AGBL1: variants seen among roughly 807,000 people sequenced by gnomAD.
The protein encoded by AGBL1 is AGBL carboxypeptidase 1, also known as cytosolic carboxypeptidase 4.
A neutral mutation model predicts 118.9 loss-of-function variants in AGBL1; 130 were observed. That is an observed-to-expected ratio of 1.09 (90% CI 0.95 to 1.26). The LOEUF is 1.26. Ranked by LOEUF, AGBL1 falls within the 50% of genes most tolerant of loss-of-function variation. The pLI, the probability that AGBL1 is intolerant of heterozygous loss-of-function variation, is 0.00. For synonymous variants in AGBL1, 555 were observed against 478.9 expected, an observed-to-expected ratio of 1.16 and a Z score of -2.08; for missense variants, 1,584 against 1,298.1, an observed-to-expected ratio of 1.22 and a Z score of -3.38.
intron 18 of AGBL1, among the ~76,000 whole-genome samples, chr15:86,407,803 C>G (rs1222366149): frequency 6.6e-6 from 1 of 152,096 alleles, no homozygotes; most frequent in Non-Finnish European, 1.5e-5. Context: ...TGGATCCTTC[C>G]AAGCTGGATT....
rs2077858116 is a variant in AGBL1, at chr15:86,751,845, C to G, written c.3158+77409C>G. ...ATTATTAGCACATCCTAAATACACA[C>G]AGGTTTGCACAGACAATGGTAAAGC... is the stretch of plus-strand genomic sequence containing the variant. On this transcript the variant is annotated intron_variant, in intron 22 of 22. Transcript: ENST00000614907. 5.9e-5 allele frequency among the ~76,000 whole-genome samples: 9 copies of G among 152,170 alleles called. No individual in the cohort carries two copies. In the South Asian group the frequency reaches 1.9e-3, roughly 32 times the overall value.
chr15:86,212,949 C>T (rs568679435), intron 5 of AGBL1, among the ~76,000 whole-genome samples: 14 of 152,274 alleles, frequency 9.2e-5, no homozygotes, highest in South Asian at 2.1e-4. Context: ...TGTACCTGGA[C>T]GACAGTTTTA....
intron 21 of AGBL1, among the ~76,000 whole-genome samples, chr15:86,568,232 C>T (rs891087464): frequency 1.3e-5 from 2 of 152,048 alleles, no homozygotes; most frequent in South Asian, 2.1e-4. Context: ...GAACAGTCTT[C>T]GTATGTGGAC....
At chr15:86,521,027 G>A (rs1181149483) in intron 18 of AGBL1, among the ~76,000 whole-genome samples, 1 of 152,102 alleles carries the variant, frequency 6.6e-6, no homozygotes, top group Non-Finnish European at 1.5e-5. Flanking sequence ...AAAAAAGCAG[G>A]CAAAGAATAA....
intron 5 of AGBL1, among the ~76,000 whole-genome samples, chr15:86,180,862 T>C (rs1347778242): frequency 3.3e-5 from 5 of 152,010 alleles, no homozygotes; most frequent in Non-Finnish European, 7.4e-5. Flanking sequence ...GACAAAAGAT[T>C]TGAACAGATA....
At chr15:86,306,937 T>G (rs908193493) in intron 17 of AGBL1, among the ~76,000 whole-genome samples, 3 of 152,208 alleles carry the variant, frequency 2.0e-5, no homozygotes, top group Admixed American at 2.0e-4. Context: ...CACCTTTTCA[T>G]GTACCTGTTT....
chr15:86,675,322 G>C (rs1238693329), intron 22 of AGBL1, among the ~76,000 whole-genome samples: 1 of 152,114 alleles, frequency 6.6e-6, no homozygotes, highest in Non-Finnish European at 1.5e-5. Flanking sequence ...TAATTTTCTT[G>C]AATTTTCCTC....
At chr15:86,129,273 C>CTG (rs1187534797) in intron 1 of AGBL1, among the ~76,000 whole-genome samples, 1 of 152,100 alleles carries the variant, frequency 6.6e-6, no homozygotes, top group Non-Finnish European at 1.5e-5. Context: ...ACTTAACCCT[C>CTG]TGTGTGTGTG....
intron 1 of AGBL1, among the ~76,000 whole-genome samples, chr15:86,099,431 TGTTTATCAGCTCGAAAA>T (rs1896575983): frequency 1.3e-5 from 2 of 152,198 alleles, no homozygotes; most frequent in African/African-American, 4.8e-5. Context: ...TTACTGAAAT[TGTTTATCAGCTCGAAAA>T]GTTTTTGGTG....
At chr15:86,638,504 G>C (rs77795339) in intron 21 of AGBL1, among the ~76,000 whole-genome samples, 10,432 of 152,196 alleles carry the variant, frequency 0.069, 446 homozygotes, top group Non-Finnish European at 0.099. Flanking sequence ...TGAGGACCAA[G>C]CAGTTGCTCT....
chr15:86,999,796 C>T (rs1419499671), intron 24 of AGBL1, among the ~76,000 whole-genome samples: 3 of 139,688 alleles, frequency 2.1e-5, no homozygotes, highest in South Asian at 2.5e-4. Flanking sequence ...CCTGAGGAAT[C>T]GCCACACTGA....
At chr15:86,598,664 T>C (rs2084445611) in intron 21 of AGBL1, among the ~76,000 whole-genome samples, 1 of 152,114 alleles carries the variant, frequency 6.6e-6, no homozygotes, top group African/African-American at 2.4e-5. Flanking sequence ...GTATGTATGC[T>C]TCCCACTGTT....
chr15:86,102,508 T>C (rs1896796179), intron 1 of AGBL1, among the ~76,000 whole-genome samples: 1 of 152,200 alleles, frequency 6.6e-6, no homozygotes, highest in South Asian at 2.1e-4. Flanking sequence ...TTGCTTGTCT[T>C]GGAAAGACTT....
chr15:86,417,845 T>C (rs914756502), intron 18 of AGBL1, among the ~76,000 whole-genome samples: 1 of 152,192 alleles, frequency 6.6e-6, no homozygotes. Flanking sequence ...GAAAACCAAA[T>C]TGCTATTCAT....
chr15:86,142,354 G>A (rs184045704), intron 2 of AGBL1, among the ~76,000 whole-genome samples: 1 of 152,170 alleles, frequency 6.6e-6, no homozygotes, highest in African/African-American at 2.4e-5. Context: ...CTTCCATTGT[G>A]ACCTATTTAA....
intron 3 of AGBL1, among the ~76,000 whole-genome samples, chr15:86,152,004 C>T (rs2077118566): frequency 6.6e-6 from 1 of 152,110 alleles, no homozygotes; most frequent in Non-Finnish European, 1.5e-5. Context: ...AATCACTGCT[C>T]AGCGAGATAA....
chr15:86,802,004 C>T (rs1157034100), intron 22 of AGBL1, among the ~76,000 whole-genome samples: 1 of 152,068 alleles, frequency 6.6e-6, no homozygotes, highest in Non-Finnish European at 1.5e-5. Context: ...ACTTTATATC[C>T]TTTGGAGACT....
chr15:86,301,664 G>A (rs982930909), intron 17 of AGBL1, among the ~76,000 whole-genome samples: 3 of 149,874 alleles, frequency 2.0e-5, no homozygotes, highest in African/African-American at 4.9e-5. Context: ...GTGTGTGTGT[G>A]TGTGTGTGTG....
intron 6 of AGBL1, among the ~76,000 whole-genome samples, chr15:86,238,934 A>G (rs572294499): frequency 6.6e-6 from 1 of 152,300 alleles, no homozygotes; most frequent in South Asian, 2.1e-4. Context: ...AATTACAGGC[A>G]TGCCCCTTTC....
Sources: allele counts gnomAD v4.1 joint callset (sites outside exome capture counted in the v4.1 genomes callset), GRCh38; gene constraint gnomAD v4.1.1; transcripts MANE v1.5; gene names NCBI Gene and HGNC (gene_info 2026-07-23, HGNC 2026-07-21).